The following DMD variants were observed in gnomAD, a reference collection of about 807,000 sequenced individuals.
DMD encodes mutant dystrophin.
In DMD, 63 loss-of-function variants were observed where a neutral mutation model predicts 330.1. That is an observed-to-expected ratio of 0.19 (90% CI 0.16 to 0.24). The LOEUF (loss-of-function observed/expected upper bound fraction) is 0.24, where lower values mean the gene tolerates loss of function less well. DMD is among the 10% of genes least tolerant of loss of function. DMD has a pLI of 1.00. For synonymous variants in DMD, 1,223 were observed against 959.8 expected (o/e 1.27, Z -5.07); for missense variants, 3,344 against 2,684.1 (o/e 1.25, Z -5.43).
rs182858282 is a variant in DMD at position 33,299,255 on chromosome X, T to C, written c.7+40004A>G. On this transcript the variant is annotated intron_variant, in intron 1 of 17. Transcript: ENST00000288447. ...TGACATAATCAGAGTTAGAGAGATATAGGTAAAAACCCTGACTTTTTCTTT... is the reference window on the plus strand; with the variant it reads ...TGACATAATCAGAGTTAGAGAGATACAGGTAAAAACCCTGACTTTTTCTTT... Among the ~76,000 whole-genome samples the C allele has an allele frequency of 1.2e-3, 137 of 111,475 alleles. 1 individual carries two copies. The highest frequency in any genetic ancestry group is 4.2e-3 in the African/African-American group (130 of 30,751).
chrX:31,805,573 C>A (rs2092263467), intron 50 of DMD, among the ~76,000 whole-genome samples: 1 of 111,726 alleles, frequency 9.0e-6, no homozygotes, highest in Admixed American at 9.5e-5. Context: ...GATAGGAAAA[C>A]GTTATCCAAA....
chrX:31,999,356 C>T (rs757734677), intron 44 of DMD, among the ~76,000 whole-genome samples: 10 of 111,637 alleles, frequency 9.0e-5, no homozygotes, highest in South Asian at 3.7e-4. Flanking sequence ...CAATGCCATA[C>T]GAAACTTTCA....
At position 32,461,804 on chromosome X, in the gene DMD, G is replaced by C. The variant is rs149569993; in HGVS notation, c.3432+1635C>G. 2.0e-3 allele frequency among the ~76,000 whole-genome samples: 221 copies of C among 109,430 alleles called. 3 individuals carry two copies. In the South Asian group the frequency reaches 0.052, roughly 26 times the overall value. ...ATCAATGGTATAATCTATTATTTAA[G>C]TAATATTTTTTTTTTTTCCTAAACA... On this transcript the variant is annotated intron_variant, in intron 25 of 78. Transcript: ENST00000357033.
intron 37 of DMD, among the ~76,000 whole-genome samples, chrX:32,356,077 C>T (rs1010582021): frequency 1.4e-4 from 15 of 110,305 alleles, no homozygotes; most frequent in African/African-American, 4.0e-4. Flanking sequence ...GAAAATTAAG[C>T]TTTAATTAAA....
At chrX:33,315,020 T>C (rs938155633) in intron 1 of DMD, among the ~76,000 whole-genome samples, 2 of 110,880 alleles carry the variant, frequency 1.8e-5, no homozygotes, top group Non-Finnish European at 3.8e-5. Flanking sequence ...GGTTTCACCA[T>C]GTTGGCCAAG....
chrX:31,242,369 C>A (rs2048414552), intron 63 of DMD, among the ~76,000 whole-genome samples: 1 of 105,630 alleles, frequency 9.5e-6, no homozygotes, highest in African/African-American at 3.4e-5. Context: ...GTTTATGCTG[C>A]TACACTATCT....
At position 31,774,006 on chromosome X, in the gene DMD, A is replaced by G; in HGVS notation, c.7496T>C (p.Met2499Thr). The change falls in exon 51 of 79, where the codon ATG becomes ACG. Residue 2499 changes from methionine to threonine, a missense_variant. Physicochemically the swap from Met to Thr is moderately conservative, Grantham distance 81. Coordinates refer to ENST00000357033, the MANE Select transcript of DMD (RefSeq NM_004006.3). ...GTTGATATCCTCAAGGTCACCCACCATCACCCTCTGTGATTTTATAACTTG... is the reference window on the plus strand; with the variant it reads ...GTTGATATCCTCAAGGTCACCCACCGTCACCCTCTGTGATTTTATAACTTG... ...LDQVIKSQRV[M>T]VGDLEDINEM... The G allele has an allele frequency of 8.3e-7, 1 of 1,210,412 alleles. No individual in the cohort carries two copies. Among genetic ancestry groups the G allele is most frequent in the Non-Finnish European group, 1.1e-6 (1 of 895,158 alleles).
chrX:31,297,104 T>C (rs1470746564), intron 62 of DMD, among the ~76,000 whole-genome samples: 4 of 111,209 alleles, frequency 3.6e-5, no homozygotes, highest in Non-Finnish European at 5.7e-5. Context: ...GCCAGGGAAA[T>C]TGATTGACAG....
At chrX:32,710,070 AT>A (rs1372773291) in intron 7 of DMD, among the ~76,000 whole-genome samples, 1 of 111,524 alleles carries the variant, frequency 9.0e-6, no homozygotes, top group Non-Finnish European at 1.9e-5. Context: ...AGCAGCCTGT[AT>A]TTTTCTCCCT....
intron 43 of DMD, among the ~76,000 whole-genome samples, chrX:32,277,307 C>T (rs987119392): frequency 9.9e-5 from 11 of 111,452 alleles, no homozygotes; most frequent in African/African-American, 3.6e-4. Context: ...CACTGGAGTA[C>T]AGATATATAA....
chrX:32,617,325 A>T (rs2057661111), intron 11 of DMD, among the ~76,000 whole-genome samples: 1 of 111,736 alleles, frequency 8.9e-6, no homozygotes, highest in South Asian at 3.7e-4. Context: ...ACTAGAAGAA[A>T]TTCTGCCATA....
intron 1 of DMD, among the ~76,000 whole-genome samples, chrX:33,161,600 G>A (rs2048774917): frequency 1.8e-5 from 2 of 111,008 alleles, no homozygotes; most frequent in African/African-American, 6.5e-5. Context: ...TCTGAAACAT[G>A]TATTCTTCCC....
intron 38 of DMD, among the ~76,000 whole-genome samples, chrX:32,347,460 A>G (rs1044109414): frequency 1.8e-5 from 2 of 111,478 alleles, no homozygotes; most frequent in African/African-American, 6.5e-5. Context: ...CAACTTGGAA[A>G]GCCTCTTCCG....
intron 7 of DMD, among the ~76,000 whole-genome samples, chrX:32,800,619 A>G (rs1271128269): frequency 1.8e-5 from 2 of 111,345 alleles, no homozygotes; most frequent in Non-Finnish European, 3.8e-5. Context: ...CAGGTTTGTT[A>G]CATAGGTATA....
At chrX:33,279,333 A>G (rs1385178279) in intron 1 of DMD, among the ~76,000 whole-genome samples, 2 of 111,956 alleles carry the variant, frequency 1.8e-5, no homozygotes, top group East Asian at 5.6e-4. Flanking sequence ...GGTGAACAAC[A>G]AAATTAAGCA....
chrX:32,791,635 G>A (rs1403405923), intron 7 of DMD, among the ~76,000 whole-genome samples: 4 of 111,814 alleles, frequency 3.6e-5, no homozygotes, highest in Non-Finnish European at 7.5e-5. Context: ...AGATAAAACA[G>A]AAGAATCTCA....
intron 2 of DMD, among the ~76,000 whole-genome samples, chrX:32,927,014 T>A (rs1192234711): frequency 8.9e-6 from 1 of 111,770 alleles, no homozygotes; most frequent in Non-Finnish European, 1.9e-5. Context: ...TGGCTTAATG[T>A]CTGACATATA....
chrX:33,132,438 C>T (rs2095504875), intron 1 of DMD, among the ~76,000 whole-genome samples: 1 of 111,709 alleles, frequency 9.0e-6, no homozygotes, highest in Non-Finnish European at 1.9e-5. Context: ...TCCAATAAAG[C>T]AGAGTCATAC....
At chrX:31,426,479 T>C (rs2148974163) in intron 60 of DMD, among the ~76,000 whole-genome samples, 1 of 112,554 alleles carries the variant, frequency 8.9e-6, no homozygotes, top group East Asian at 2.8e-4. Context: ...TATGAAGTCT[T>C]AGCTTGGAGA....
Sources: gnomAD v4.1 joint callset for allele counts (sites outside exome capture counted in the v4.1 genomes callset) on GRCh38, gnomAD v4.1.1 for gene constraint, MANE v1.5 for transcripts, NCBI Gene and HGNC (gene_info 2026-07-23, HGNC 2026-07-21) for gene names.